CIMIP6: variants seen among roughly 807,000 people sequenced by gnomAD.
The protein encoded by CIMIP6 is uncharacterized protein C2orf73.
At chr2:54,367,598 T>G in the CIMIP6 span, among the ~76,000 whole-genome samples, 1 of 152,140 alleles carries the variant, frequency 6.6e-6, no homozygotes, top group Non-Finnish European at 1.5e-5. Context: ...GAATTGCTAT[T>G]CTCTAAGGAA....
At chr2:54,347,113 T>C in the CIMIP6 span, among the ~76,000 whole-genome samples, 2 of 152,196 alleles carry the variant, frequency 1.3e-5, no homozygotes, top group African/African-American at 4.8e-5. Flanking sequence ...AATTAAAATC[T>C]GAATAAGAAA....
chr2:54,353,288 G>A, the CIMIP6 span, among the ~76,000 whole-genome samples: 4 of 152,058 alleles, frequency 2.6e-5, no homozygotes, highest in Non-Finnish European at 1.5e-5. Context: ...TGATTGTTTC[G>A]GATGAATACT....
At chr2:54,380,235 G>A in the CIMIP6 span, among the ~76,000 whole-genome samples, 1 of 152,086 alleles carries the variant, frequency 6.6e-6, no homozygotes, top group African/African-American at 2.4e-5. Context: ...CTCCTTTGAC[G>A]TTTACAATAC....
the CIMIP6 span, among the ~76,000 whole-genome samples, chr2:54,376,307 C>T: frequency 2.6e-5 from 4 of 152,094 alleles, no homozygotes; most frequent in African/African-American, 9.7e-5. Context: ...AGCCACAGTG[C>T]TCAGCCTGTT....
chr2:54,369,582 T>C, the CIMIP6 span, among the ~76,000 whole-genome samples: 1 of 152,222 alleles, frequency 6.6e-6, no homozygotes, highest in Admixed American at 6.5e-5. Flanking sequence ...CACGAGCCCA[T>C]GAAAATTTTC....
At chr2:54,374,207 T>C in the CIMIP6 span, among the ~76,000 whole-genome samples, 1 of 152,226 alleles carries the variant, frequency 6.6e-6, no homozygotes, top group Admixed American at 6.5e-5. Flanking sequence ...CCATTTTATC[T>C]GAGCATGTCT....
the CIMIP6 span, among the ~76,000 whole-genome samples, chr2:54,340,924 C>G: frequency 6.6e-6 from 1 of 152,060 alleles, no homozygotes; most frequent in Non-Finnish European, 1.5e-5. Context: ...GTAATCGTAC[C>G]ACTATGCTCC....
At chr2:54,349,576 C>A in the CIMIP6 span, among the ~76,000 whole-genome samples, 5 of 152,076 alleles carry the variant, frequency 3.3e-5, no homozygotes, top group Admixed American at 2.0e-4. Flanking sequence ...TTTTGCAGTT[C>A]TCATCAAATG....
At chr2:54,357,181 T>G in the CIMIP6 span, among the ~76,000 whole-genome samples, 2 of 152,190 alleles carry the variant, frequency 1.3e-5, no homozygotes, top group Non-Finnish European at 2.9e-5. Flanking sequence ...TTTTTTATAC[T>G]GCTAACTGGG....
the CIMIP6 span, among the ~76,000 whole-genome samples, chr2:54,345,397 A>G: frequency 6.6e-6 from 1 of 152,180 alleles, no homozygotes; most frequent in African/African-American, 2.4e-5. Context: ...CTCACCTCAA[A>G]TTCCTGTGCT....
chr2:54,364,932 G>C, the CIMIP6 span, among the ~76,000 whole-genome samples: 1 of 152,154 alleles, frequency 6.6e-6, no homozygotes, highest in African/African-American at 2.4e-5. Flanking sequence ...CAGAAATGGA[G>C]AGAACACAAA....
At chr2:54,374,719 T>C in the CIMIP6 span, among the ~76,000 whole-genome samples, 11 of 152,184 alleles carry the variant, frequency 7.2e-5, no homozygotes, top group African/African-American at 2.7e-4. Context: ...CTAATTCTCT[T>C]TTGTGTCTTT....
At chr2:54,331,273 G>A in the CIMIP6 span, among the ~76,000 whole-genome samples, 2 of 152,136 alleles carry the variant, frequency 1.3e-5, no homozygotes, top group African/African-American at 4.8e-5. Context: ...AGATTCTGTA[G>A]TCTTTACCTT....
At chr2:54,360,291 G>A in the CIMIP6 span, 1 of 1,612,022 alleles carries the variant, frequency 6.2e-7, no homozygotes. Context: ...AACACTCCAG[G>A]GTCACGTTCA....
the CIMIP6 span, chr2:54,382,930 G>A: frequency 3.3e-5 from 5 of 152,188 alleles, no homozygotes; most frequent in South Asian, 6.2e-4. Flanking sequence ...GAACAAATAC[G>A]GCGGAGATGG....
the CIMIP6 span, among the ~76,000 whole-genome samples, chr2:54,336,539 G>A: frequency 6.6e-6 from 1 of 152,088 alleles, no homozygotes; most frequent in Non-Finnish European, 1.5e-5. Flanking sequence ...GGGTTTTTAT[G>A]AGAATTAAAA....
At chr2:54,379,018 G>A in the CIMIP6 span, among the ~76,000 whole-genome samples, 1 of 152,144 alleles carries the variant, frequency 6.6e-6, no homozygotes, top group Non-Finnish European at 1.5e-5. Context: ...TTCACACGCA[G>A]CAGGCACCCA....
At chr2:54,357,321 A>G in the CIMIP6 span, among the ~76,000 whole-genome samples, 2 of 152,220 alleles carry the variant, frequency 1.3e-5, no homozygotes, top group Non-Finnish European at 2.9e-5. Flanking sequence ...ATGTAAATTT[A>G]CTAACATTTT....
chr2:54,365,595 CTGCCTT>C, the CIMIP6 span, among the ~76,000 whole-genome samples: 1 of 152,166 alleles, frequency 6.6e-6, no homozygotes, highest in Non-Finnish European at 1.5e-5. Flanking sequence ...TATGCTGGCT[CTGCCTT>C]TGCCTTTGCC....
Sources: allele counts gnomAD v4.1 joint callset (sites outside exome capture counted in the v4.1 genomes callset), GRCh38; gene constraint gnomAD v4.1.1; transcripts MANE v1.5; gene names NCBI Gene and HGNC (gene_info 2026-07-23, HGNC 2026-07-21).